The following ZNF276 variants were observed in gnomAD, a reference collection of about 807,000 sequenced individuals.
The protein encoded by ZNF276 is centromere protein Z.
In ZNF276, 59 loss-of-function variants were observed where a neutral mutation model predicts 63.9. That is an observed-to-expected ratio of 0.92 (90% CI 0.75 to 1.15). ZNF276 has a LOEUF of 1.15. ZNF276 is among the 50% of genes most tolerant of loss of function. The pLI is 0.00. For synonymous variants in ZNF276, 496 were observed against 348.4 expected (o/e 1.42, Z -4.72); for missense variants, 1,084 against 843.8 (o/e 1.28, Z -3.53).
rs2062090760 is a variant in ZNF276 at position 89,740,100 on chromosome 16, C to G, written c.*1854C>G. 6.2e-7 allele frequency: 1 copy of G among 1,613,970 alleles called. No homozygotes were observed. Among genetic ancestry groups the G allele is most frequent in the Non-Finnish European group, 8.5e-7 (1 of 1,179,912 alleles). On this transcript the variant is annotated 3_prime_UTR_variant, in exon 11 of 11. Transcript: ENST00000443381. ...AAGCCTTTGGCAGGTCTGTGGTGCT[C>G]TGTAAACCGCAGGAGACCAACCCTG...
In ZNF276 at chr16:89,740,513, G is replaced by A. The variant is rs1392037392; in HGVS notation, c.*2267G>A. 6 of 495,102 alleles carry A rather than the reference G, an allele frequency of 1.2e-5. No individual in the cohort carries two copies. Among genetic ancestry groups the A allele is most frequent in the Non-Finnish European group, 2.2e-5 (6 of 276,060 alleles). The allele number at this position is 495,102 out of a possible 1,614,324, so 30.7% of individuals were successfully genotyped here. A position where few individuals can be genotyped will look rare whatever the true frequency, so the allele number is the denominator to read the frequency against. On this transcript the variant is annotated 3_prime_UTR_variant, in exon 11 of 11. Coordinates refer to ENST00000443381, the MANE Select transcript of ZNF276 (RefSeq NM_001113525.2). ...AGCCGGGTGTGACAGACTCACGCCT[G>A]TAATCCCAGCTACTCGGGAGGCTGA...
At chr16:89,720,588 T>A, upstream of ZNF276, 1 of 1,224,104 alleles carries the variant, frequency 8.2e-7, no homozygotes, top group South Asian at 3.2e-5. Context: ...CCAAGGTCAC[T>A]GCACGCCCGG....
At chr16:89,730,938 G>A (rs1430861983) in intron 6 of ZNF276, among the ~76,000 whole-genome samples, 2 of 152,232 alleles carry the variant, frequency 1.3e-5, no homozygotes, top group African/African-American at 2.4e-5. Context: ...CCGCCAGAGG[G>A]GAAGGCCAGG....
rs769177993 is a variant in ZNF276 at position 89,729,385 on chromosome 16, A to AG, written c.1169+70dup. On this transcript the variant is annotated intron_variant, in intron 6 of 10. Transcript: ENST00000443381. ...CGACCTAGACACCCGCCTGTGCTCC[A>AG]GGGCCTCTCCCCGGTGCCCACTCAG... 1,242 of 1,415,818 alleles carry AG rather than the reference A, an allele frequency of 8.8e-4. 2 individuals carry two copies. Among genetic ancestry groups the AG allele is most frequent in the Non-Finnish European group, 1.0e-3 (1,018 of 1,002,910 alleles). 87.7% of individuals were successfully genotyped at this position (1,415,818 alleles called of 1,614,324 possible). A position where few individuals can be genotyped will look rare whatever the true frequency, so the allele number is the denominator to read the frequency against.
intron 4 of ZNF276, 28 bp from the exon 5 acceptor site, chr16:89,727,251 A>G (rs1173628747): frequency 6.2e-7 from 1 of 1,611,306 alleles, no homozygotes; most frequent in Non-Finnish European, 8.5e-7. Flanking sequence ...CCGTGTTGGT[A>G]ACAGGAGCCT....
rs374510260 is a variant in ZNF276 at position 89,740,109 on chromosome 16, G to T, written c.*1863G>T. ...GCAGGTCTGTGGTGCTCTGTAAACCGCAGGAGACCAACCCTGAGAATGGCC... is the reference window on the plus strand; with the variant it reads ...GCAGGTCTGTGGTGCTCTGTAAACCTCAGGAGACCAACCCTGAGAATGGCC... On this transcript the variant is annotated 3_prime_UTR_variant, in exon 11 of 11. Coordinates refer to ENST00000443381, the MANE Select transcript of ZNF276 (RefSeq NM_001113525.2). 1 of 1,611,400 alleles carries T rather than the reference G, an allele frequency of 6.2e-7. No individual in the cohort carries two copies. The highest frequency in any genetic ancestry group is 8.5e-7 in the Non-Finnish European group (1 of 1,177,702).
At chr16:89,721,948 C>G in intron 1 of ZNF276, 103 bp downstream of exon 1, 1 of 798,796 alleles carries the variant, frequency 1.3e-6, no homozygotes, top group Non-Finnish European at 1.7e-6. Flanking sequence ...CTCCTCCACC[C>G]GGCCAAGGGC....
At position 89,739,814 on chromosome 16, in the gene ZNF276, G is replaced by C. The variant is rs1034118955; in HGVS notation, c.*1568G>C. ...GGCCCATTGGTCCTGGGGTTGACCA[G>C]TGAGCCAGTAAATTATCTTATTGCT... On this transcript the variant is annotated 3_prime_UTR_variant, in exon 11 of 11. Transcript: ENST00000443381. 6.8e-7 allele frequency: 1 copy of C among 1,466,062 alleles called. No homozygotes were observed. The highest frequency in any genetic ancestry group is 1.4e-5 in the African/African-American group (1 of 70,996). The allele number at this position is 1,466,062 out of a possible 1,614,324, so 90.8% of individuals were successfully genotyped here. A position where few individuals can be genotyped will look rare whatever the true frequency, so the allele number is the denominator to read the frequency against.
rs1040814415 is a variant in ZNF276, at chr16:89,740,528, C to A, written c.*2282C>A. On this transcript the variant is annotated 3_prime_UTR_variant, in exon 11 of 11. Transcript: ENST00000443381. ...ACTCACGCCTGTAATCCCAGCTACTCGGGAGGCTGATGCAGGAGAATTGCT... is the reference window on the plus strand; with the variant it reads ...ACTCACGCCTGTAATCCCAGCTACTAGGGAGGCTGATGCAGGAGAATTGCT... 4 of 502,584 alleles carry A rather than the reference C, an allele frequency of 8.0e-6. No homozygotes were observed. The Admixed American group carries it at 1.4e-4, about 18-fold the overall frequency. The allele number at this position is 502,584 out of a possible 1,614,324, so 31.1% of individuals were successfully genotyped here.
intron 6 of ZNF276, among the ~76,000 whole-genome samples, chr16:89,729,889 G>A (rs1002121409): frequency 6.6e-6 from 1 of 152,162 alleles, no homozygotes; most frequent in Non-Finnish European, 1.5e-5. Context: ...CACAGGCCCT[G>A]GTAGTGAGGG....
chr16:89,728,262 T>C (rs913133786), intron 5 of ZNF276, among the ~76,000 whole-genome samples: 57 of 151,660 alleles, frequency 3.8e-4, no homozygotes, highest in African/African-American at 1.4e-3. Flanking sequence ...CCTTACTCTG[T>C]TGCCCAGGCT....
chr16:89,734,299 G>T (rs1310659400), intron 9 of ZNF276, among the ~76,000 whole-genome samples: 1 of 150,648 alleles, frequency 6.6e-6, no homozygotes, highest in African/African-American at 2.4e-5. Flanking sequence ...AAGCAATCTT[G>T]GTGTCCTTTT....
Position 89,740,755 on chromosome 16 carries a change from C to G in ZNF276, c.*2509C>G. ...GGAAGCTGGCTGCCTGGTGCCCCTGCCTGGCCCACAGTGGGAGAGGACACC... is the reference window on the plus strand; with the variant it reads ...GGAAGCTGGCTGCCTGGTGCCCCTGGCTGGCCCACAGTGGGAGAGGACACC... On this transcript the variant is annotated 3_prime_UTR_variant, in exon 11 of 11. Transcript: ENST00000443381. 1 of 1,552,858 alleles carries G rather than the reference C, an allele frequency of 6.4e-7. No homozygotes were observed. The highest frequency in any genetic ancestry group is 8.9e-7 in the Non-Finnish European group (1 of 1,127,786).
chr16:89,722,905 C>G, intron 2 of ZNF276, 71 bp downstream of exon 2: 4 of 1,562,218 alleles, frequency 2.6e-6, no homozygotes, highest in Non-Finnish European at 3.4e-6. Context: ...GAGAGAGGGA[C>G]AGGGCGTGCC....
chr16:89,734,157 G>C (rs914574136), intron 9 of ZNF276, 119 bp downstream of exon 9: 10 of 863,320 alleles, frequency 1.2e-5, no homozygotes, highest in Non-Finnish European at 1.8e-5. Flanking sequence ...GGTGGCTCAT[G>C]GGGTCTTTGG....
At chr16:89,722,213 G>T (rs1389524749) in intron 1 of ZNF276, among the ~76,000 whole-genome samples, 2 of 152,220 alleles carry the variant, frequency 1.3e-5, no homozygotes, top group African/African-American at 2.4e-5. Context: ...GGAAACCGCG[G>T]CGTTTCCTGG....
At chr16:89,722,871 C>T in intron 2 of ZNF276, 37 bp downstream of exon 2, 2 of 1,581,042 alleles carry the variant, frequency 1.3e-6, no homozygotes. Flanking sequence ...TTCAGGCTGT[C>T]AGTACTGCAG....
chr16:89,726,000 C>A (rs532454040), intron 4 of ZNF276, among the ~76,000 whole-genome samples: 4 of 152,176 alleles, frequency 2.6e-5, no homozygotes, highest in African/African-American at 9.6e-5. Context: ...CTGTCGCCAC[C>A]AGGCCTGGCC....
chr16:89,724,899 C>T (rs8048663), intron 4 of ZNF276, among the ~76,000 whole-genome samples: 146,085 of 152,290 alleles, frequency 0.96, 70,317 homozygotes, highest in East Asian at 1. Flanking sequence ...TATGTATCTA[C>T]TTATCTACCT....
Sources: allele counts gnomAD v4.1 joint callset (sites outside exome capture counted in the v4.1 genomes callset), GRCh38; gene constraint gnomAD v4.1.1; transcripts MANE v1.5; gene names NCBI Gene and HGNC (gene_info 2026-07-23, HGNC 2026-07-21).